The following FAM107B variants were observed in gnomAD, a reference collection of about 807,000 sequenced individuals.
FAM107B encodes the protein protein FAM107B.
A neutral mutation model predicts 31.5 loss-of-function variants in FAM107B; 21 were observed. The observed-to-expected ratio is 0.67, with a 90% CI of 0.47 to 0.96. The LOEUF is 0.96. Among genes scored for constraint, FAM107B ranks in the 40% least tolerant of loss-of-function variants. FAM107B has a pLI of 0.00. For synonymous variants in FAM107B, 157 were observed against 141.5 expected (o/e 1.11, Z -0.78); for missense variants, 452 against 377.1 (o/e 1.20, Z -1.64).
chr10:14,592,779 C>T (rs1471176978), intron 2 of FAM107B, among the ~76,000 whole-genome samples: 4 of 152,246 alleles, frequency 2.6e-5, no homozygotes, highest in African/African-American at 7.2e-5. Context: ...CTAACTCCTG[C>T]GCCCTGCACA....
intron 1 of FAM107B, among the ~76,000 whole-genome samples, chr10:14,679,759 G>A (rs904163565): frequency 6.6e-6 from 1 of 152,226 alleles, no homozygotes. Context: ...ATTTGAGACA[G>A]TGGACTGGGA....
chr10:14,622,015 C>A (rs12260477), intron 2 of FAM107B, among the ~76,000 whole-genome samples: 6,339 of 152,272 alleles, frequency 0.042, 202 homozygotes, highest in African/African-American at 0.089. Flanking sequence ...CAAAACATGA[C>A]CGCTTATACC....
chr10:14,716,314 T>A (rs1855778272), intron 1 of FAM107B, among the ~76,000 whole-genome samples: 1 of 152,200 alleles, frequency 6.6e-6, no homozygotes, highest in Non-Finnish European at 1.5e-5. Flanking sequence ...ATCTGAAGGC[T>A]CCACTGGGTT....
intron 1 of FAM107B, among the ~76,000 whole-genome samples, chr10:14,735,888 A>C (rs1470987447): frequency 6.6e-6 from 1 of 152,128 alleles, no homozygotes; most frequent in Non-Finnish European, 1.5e-5. Flanking sequence ...TGACATTACT[A>C]TATCTCTACA....
intron 2 of FAM107B, among the ~76,000 whole-genome samples, chr10:14,566,030 G>A (rs1484963221): frequency 6.6e-6 from 1 of 152,178 alleles, no homozygotes; most frequent in Non-Finnish European, 1.5e-5. Flanking sequence ...CCCCATGCCT[G>A]AGGGGCCCTA....
intron 1 of FAM107B, among the ~76,000 whole-genome samples, chr10:14,702,244 C>T (rs374826797): frequency 1.3e-5 from 2 of 152,230 alleles, no homozygotes; most frequent in African/African-American, 4.8e-5. Context: ...CCATCTTAGG[C>T]TCAGCATTTT....
chr10:14,742,947 AT>A (rs1454247992), intron 1 of FAM107B, among the ~76,000 whole-genome samples: 4 of 152,144 alleles, frequency 2.6e-5, no homozygotes, highest in Non-Finnish European at 5.9e-5. Context: ...AAATGCACAC[AT>A]TTTAATCTCT....
chr10:14,718,427 AAG>A (rs775404260), intron 1 of FAM107B, among the ~76,000 whole-genome samples: 177 of 147,634 alleles, frequency 1.2e-3, no homozygotes, highest in Middle Eastern at 6.9e-3. Context: ...GAAAGAAAGA[AAG>A]AGAGGGAGGG....
At chr10:14,648,047 T>C (rs1210859661) in intron 2 of FAM107B, among the ~76,000 whole-genome samples, 1 of 150,884 alleles carries the variant, frequency 6.6e-6, no homozygotes, top group Non-Finnish European at 1.5e-5. Context: ...AGGTTTAGCA[T>C]ATTTGAAAAG....
At chr10:14,546,974 C>T (rs1466379283) in intron 2 of FAM107B, among the ~76,000 whole-genome samples, 2 of 152,190 alleles carry the variant, frequency 1.3e-5, no homozygotes, top group Non-Finnish European at 2.9e-5. Flanking sequence ...ACTTTAATCT[C>T]CTACCTCCTA....
rs1853767746 is a variant in FAM107B, at chr10:14,646,811, T to TC, written c.469+20822_469+20823insG. 1.0e-4 allele frequency among the ~76,000 whole-genome samples: 15 copies of TC among 148,282 alleles called. No individual in the cohort carries two copies. The South Asian group carries it at 3.3e-3, about 32-fold the overall frequency. On this transcript the variant is annotated intron_variant, in intron 2 of 4. Transcript: ENST00000181796. ...CTCCTTTTTTTTTTTTTTTTTTTTT[T>TC]GAGACGGAGTCTCACTCTGTCACCC...
In FAM107B at chr10:14,520,061, ATCAC is replaced by A. The variant is rs1358646679; in HGVS notation, c.*1125_*1128del. On this transcript the variant is annotated 3_prime_UTR_variant, in exon 5 of 5. Transcript: ENST00000181796. Reference sequence around the variant, plus strand: ...CGACATCATCCTTATCAACAGCATCATCACTCAGACAGTGGTGAAAGTCTTTCTT... The same window carrying A: ...CGACATCATCCTTATCAACAGCATCATCAGACAGTGGTGAAAGTCTTTCTT... The A allele has an allele frequency of 1.3e-5, 2 of 152,670 alleles. No individual in the cohort carries two copies. Among genetic ancestry groups the A allele is most frequent in the Non-Finnish European group, 2.9e-5 (2 of 68,054 alleles). The allele number at this position is 152,670 out of a possible 1,614,324, so 9.5% of individuals were successfully genotyped here.
At chr10:14,632,030 G>A (rs1413124022) in intron 2 of FAM107B, among the ~76,000 whole-genome samples, 2 of 152,166 alleles carry the variant, frequency 1.3e-5, no homozygotes, top group African/African-American at 2.4e-5. Flanking sequence ...AGGCACAGTG[G>A]CTCACACCTG....
At chr10:14,561,591 A>C (rs1850246994) in intron 2 of FAM107B, among the ~76,000 whole-genome samples, 1 of 152,174 alleles carries the variant, frequency 6.6e-6, no homozygotes, top group African/African-American at 2.4e-5. Context: ...TCAAAACCAC[A>C]GGGGGGAGGG....
intron 2 of FAM107B, among the ~76,000 whole-genome samples, chr10:14,561,928 G>A (rs1850277400): frequency 6.6e-6 from 1 of 152,130 alleles, no homozygotes; most frequent in South Asian, 2.1e-4. Context: ...GGGACTACAG[G>A]CATGTGCCAC....
chr10:14,546,346 G>A (rs1320210133), intron 2 of FAM107B, among the ~76,000 whole-genome samples: 2 of 152,194 alleles, frequency 1.3e-5, no homozygotes, highest in African/African-American at 4.8e-5. Context: ...TAAATTGACT[G>A]TCCACATTTT....
chr10:14,524,189 C>T (rs1845980953), intron 3 of FAM107B, among the ~76,000 whole-genome samples: 1 of 152,026 alleles, frequency 6.6e-6, no homozygotes, highest in Admixed American at 6.6e-5. Flanking sequence ...TTACAGGTGC[C>T]CGCAACCACG....
At chr10:14,647,738 T>A (rs931988568) in intron 2 of FAM107B, among the ~76,000 whole-genome samples, 9 of 151,880 alleles carry the variant, frequency 5.9e-5, no homozygotes, top group African/African-American at 2.2e-4. Context: ...TGGATTGCTG[T>A]TTGAAAATGA....
chr10:14,667,829 A>T (rs1186221304), intron 1 of FAM107B, 138 bp from the exon 2 acceptor site: 1 of 819,740 alleles, frequency 1.2e-6, no homozygotes, highest in African/African-American at 1.7e-5. Flanking sequence ...TAAAGAACTG[A>T]GGTTTTGGAC....
Sources: allele counts gnomAD v4.1 joint callset (sites outside exome capture counted in the v4.1 genomes callset), GRCh38; gene constraint gnomAD v4.1.1; transcripts MANE v1.5; gene names NCBI Gene and HGNC (gene_info 2026-07-23, HGNC 2026-07-21).